Variants in AJUBA observed in about 807,000 individuals in gnomAD.
The protein encoded by AJUBA is ajuba LIM protein.
In AJUBA, 20 loss-of-function variants were observed where a neutral mutation model predicts 53.3. The ratio of observed to expected loss-of-function variants is 0.38; its 90% CI spans 0.26 to 0.55. The LOEUF (loss-of-function observed/expected upper bound fraction) is 0.55. AJUBA is among the 20% of genes least tolerant of loss of function. AJUBA has a pLI of 0.80. For missense variants in AJUBA, 580 were observed against 730.5 expected (o/e 0.79, Z 2.38); for synonymous variants, 296 against 306.2 (o/e 0.97, Z 0.35).
At chr14:22,973,684 T>C in intron 7 of AJUBA, 116 bp from the exon 8 acceptor site, 1 of 1,424,850 alleles carries the variant, frequency 7.0e-7, no homozygotes, top group Non-Finnish European at 9.5e-7. Context: ...AGGGATGGGG[T>C]GGGAAGGGAA....
chr14:22,973,607 C>T (rs765792292), intron 7 of AJUBA, 39 bp from the exon 8 acceptor site: 2 of 1,611,120 alleles, frequency 1.2e-6, no homozygotes, highest in East Asian at 4.5e-5. Context: ...AGCCTAGGCA[C>T]CTTGGACACT....
chr14:22,982,129 C>T lies in AJUBA; in HGVS notation c.138G>A (p.Lys46=), dbSNP rs2045107295. 3 of 1,604,866 alleles carry T rather than the reference C, an allele frequency of 1.9e-6. No individual in the cohort carries two copies. The highest frequency in any genetic ancestry group is 2.6e-6 in the Non-Finnish European group (3 of 1,176,354). The change falls in exon 1 of 8, where the codon AAG becomes AAA. Residue 46 remains lysine (K), a synonymous_variant. Transcript: ENST00000262713. ...CCCCAGTAGCTCCTCGGGGCCCTGA[C>T]TTCCTAGGTCCCCCCAACCCACTTA... ...GRLSGLGGPR[K]SGPRGATGGP...
chr14:22,982,089 G>A lies in AJUBA; in HGVS notation c.178C>T (p.Pro60Ser). ...CCTTGCTCCCGGGCCGGCTCCAACG[G>A]CTCATCCCCAGGTCCCCCAGTAGCT... ...RGATGGPGDE[P>S]LEPAREQGSL... Residue 60 changes from proline to serine, a missense_variant, in exon 1 of 8, where the codon CCG (proline) becomes TCG (serine). Physicochemically the swap from Pro to Ser is moderately conservative, Grantham distance 74. Transcript: ENST00000262713. The A allele has an allele frequency of 6.3e-7, 1 of 1,593,068 alleles. No individual in the cohort carries two copies. The highest frequency in any genetic ancestry group is 1.4e-5 in the African/African-American group (1 of 73,732).
rs2045069778 is a variant in AJUBA at position 22,979,684 on chromosome 14, AG to A, written c.1007-1240del. ...TTGCCATGCCAGGGGGTCCTGTCGG[AG>A]CCATTCTTTAGGAAACCTTGGACGT... On this transcript the variant is annotated intron_variant, in intron 1 of 7. Coordinates refer to ENST00000262713, the MANE Select transcript of AJUBA (RefSeq NM_032876.6). The surrounding 1 kb of genome is among the most constrained non-coding windows in gnomAD (Gnocchi z 4.0). Among the ~76,000 whole-genome samples, 1 of 152,212 alleles carries A rather than the reference AG, an allele frequency of 6.6e-6. No homozygotes were observed. Among genetic ancestry groups the A allele is most frequent in the Non-Finnish European group, 1.5e-5 (1 of 68,020 alleles).
chr14:22,977,286 G>A, intron 2 of AJUBA: 2 of 873,762 alleles, frequency 2.3e-6, no homozygotes, highest in South Asian at 5.3e-5. Context: ...TTTGTATAAG[G>A]CTGCTTCCCT....
Position 22,979,094 on chromosome 14 carries a change from G to A in AJUBA, c.1007-649C>T. The stretch of plus-strand genomic sequence containing the variant: ...GTGTTCCAGGAACCAGGGTTGAACA[G>A]GAAAGCAGGGAGAGTAGCAGAGCCC... On this transcript the variant is annotated intron_variant, in intron 1 of 7. Transcript: ENST00000262713. This position sits in a 1 kb window ranked among gnomAD's most constrained non-coding sequence, Gnocchi z 4.0. 7.8e-7 allele frequency: 1 copy of A among 1,283,114 alleles called. No homozygotes were observed. The highest frequency in any genetic ancestry group is 5.6e-5 in the East Asian group (1 of 17,952). The allele number at this position is 1,283,114 out of a possible 1,614,324, so 79.5% of individuals were successfully genotyped here.
rs1293502931 is a variant in AJUBA at position 22,979,704 on chromosome 14, T to G, written c.1007-1259A>C. On this transcript the variant is annotated intron_variant, in intron 1 of 7. Transcript: ENST00000262713. The surrounding 1 kb of genome is among the most constrained non-coding windows in gnomAD (Gnocchi z 4.0). ...GTCGGAGCCATTCTTTAGGAAACCTTGGACGTTATGGGAAAAGCAAACGAA... is the reference window on the plus strand; with the variant it reads ...GTCGGAGCCATTCTTTAGGAAACCTGGGACGTTATGGGAAAAGCAAACGAA... Among the ~76,000 whole-genome samples, 5 of 152,214 alleles carry G rather than the reference T, an allele frequency of 3.3e-5. No individual in the cohort carries two copies. Among genetic ancestry groups the G allele is most frequent in the Non-Finnish European group, 5.9e-5 (4 of 68,032 alleles).
At chr14:22,977,334 A>G (rs574735847) in intron 2 of AJUBA, 1 of 402,718 alleles carries the variant, frequency 2.5e-6, no homozygotes, top group Admixed American at 6.4e-5. Flanking sequence ...GGTAAGAGAC[A>G]ACCCAGGATC....
chr14:22,974,828 G>A lies in AJUBA; in HGVS notation c.1422+11C>T. On this transcript the variant is annotated intron_variant, in intron 6 of 7. Transcript: ENST00000262713. ...ACTGGCTGCCCTGAAGGAGAACCCA[G>A]ACATACTGACCTCAGAGGGGAGGAT... 6.2e-7 allele frequency: 1 copy of A among 1,610,510 alleles called. No homozygotes were observed. Among genetic ancestry groups the A allele is most frequent in the Non-Finnish European group, 8.5e-7 (1 of 1,178,796 alleles).
Position 22,981,502 on chromosome 14 carries a change from C to T in AJUBA, c.765G>A (p.Arg255=). ...GVGAAGPLER[R]GAQPGRHSVT... Reference sequence around the variant, plus strand: ...CAGAGTGTCGTCCGGGTTGCGCCCCCCGTCTCTCCAAGGGCCCCGCCGCTC... The same window carrying T: ...CAGAGTGTCGTCCGGGTTGCGCCCCTCGTCTCTCCAAGGGCCCCGCCGCTC... The change falls in exon 1 of 8, where the codon CGG becomes CGA. Residue 255 remains arginine, a synonymous_variant. Coordinates refer to ENST00000262713, the MANE Select transcript of AJUBA (RefSeq NM_032876.6). 6.3e-7 allele frequency: 1 copy of T among 1,591,468 alleles called. No individual in the cohort carries two copies. Among genetic ancestry groups the T allele is most frequent in the Admixed American group, 1.7e-5 (1 of 57,588 alleles).
chr14:22,982,437 C>T lies in AJUBA; in HGVS notation c.-171G>A. ...GCGCCAGGAATCCCACAGCATCCCC[C>T]AGCGGGAGGGGCTGCGTCCCCCCGC... On this transcript the variant is annotated 5_prime_UTR_variant, in exon 1 of 8. Coordinates refer to ENST00000262713, the MANE Select transcript of AJUBA (RefSeq NM_032876.6). 2 of 1,435,080 alleles carry T rather than the reference C, an allele frequency of 1.4e-6. No homozygotes were observed. The highest frequency in any genetic ancestry group is 2.9e-5 in the South Asian group (2 of 68,230). 88.9% of individuals were successfully genotyped at this position (1,435,080 alleles called of 1,614,324 possible). A position where few individuals can be genotyped will look rare whatever the true frequency, so the allele number is the denominator to read the frequency against.
chr14:22,973,077 G>T lies in AJUBA; in HGVS notation c.*366C>A. 1 of 230,110 alleles carries T rather than the reference G, an allele frequency of 4.3e-6. No individual in the cohort carries two copies. The highest frequency in any genetic ancestry group is 8.7e-6 in the Non-Finnish European group (1 of 114,862). 14.3% of individuals were successfully genotyped at this position (230,110 alleles called of 1,614,324 possible). On this transcript the variant is annotated 3_prime_UTR_variant, in exon 8 of 8. Transcript: ENST00000262713. ...GGAGGCCAAGGTGGGAGGATCATTC[G>T]AGCCCAGGAGTTCAAGACTAGCCTG... is the stretch of plus-strand genomic sequence containing the variant.
Position 22,972,491 on chromosome 14 carries a change from C to T in AJUBA, c.*952G>A, listed in dbSNP as rs1469173780. ...GACATCCCCCCAACAAGCTCCACACCCACAGAGATCTGCTCATTACCTCCC... is the reference window on the plus strand; with the variant it reads ...GACATCCCCCCAACAAGCTCCACACTCACAGAGATCTGCTCATTACCTCCC... On this transcript the variant is annotated 3_prime_UTR_variant, in exon 8 of 8. Coordinates refer to ENST00000262713, the MANE Select transcript of AJUBA (RefSeq NM_032876.6). The T allele has an allele frequency of 6.6e-6, 1 of 152,506 alleles. No homozygotes were observed. Among genetic ancestry groups the T allele is most frequent in the Admixed American group, 6.6e-5 (1 of 15,258 alleles). 9.4% of individuals were successfully genotyped at this position (152,506 alleles called of 1,614,324 possible).
Position 22,979,279 on chromosome 14 carries a change from G to A in AJUBA, c.1007-834C>T, listed in dbSNP as rs943289160. 2.3e-6 allele frequency: 1 copy of A among 429,120 alleles called. No homozygotes were observed. Among genetic ancestry groups the A allele is most frequent in the Non-Finnish European group, 3.1e-6 (1 of 321,464 alleles). The allele number at this position is 429,120 out of a possible 1,614,324, so 26.6% of individuals were successfully genotyped here. A position where few individuals can be genotyped will look rare whatever the true frequency, so the allele number is the denominator to read the frequency against. On this transcript the variant is annotated intron_variant, in intron 1 of 7. Transcript: ENST00000262713. The surrounding 1 kb of genome is among the most constrained non-coding windows in gnomAD (Gnocchi z 4.0). ...CCACTCCCCAATTCCAGGCCCATGA[G>A]TGAGGGCTAGGGCCTGTCTTTGGGG...
At position 22,981,661 on chromosome 14, in the gene AJUBA, G is replaced by A. The variant is rs1354269292; in HGVS notation, c.606C>T (p.Ser202=). 1.3e-6 allele frequency: 2 copies of A among 1,512,612 alleles called. No homozygotes were observed. Among genetic ancestry groups the A allele is most frequent in the Non-Finnish European group, 1.8e-6 (2 of 1,132,164 alleles). The allele number at this position is 1,512,612 out of a possible 1,614,324, so 93.7% of individuals were successfully genotyped here. A position where few individuals can be genotyped will look rare whatever the true frequency, so the allele number is the denominator to read the frequency against. The stretch of plus-strand genomic sequence containing the variant: ...GGGCGGCGTGGAGCTCCGGGTAGGC[G>A]GACGGGACCCCTCCGGGAGAATAGC... ...PAGYSPGGVP[S]AYPELHAALD... is the part of the protein sequence containing the mutation. The change falls in exon 1 of 8, where the codon TCC becomes TCT. Residue 202 remains serine, a synonymous_variant. Transcript: ENST00000262713.
Position 22,978,943 on chromosome 14 carries a change from A to G in AJUBA, c.1007-498T>C, listed in dbSNP as rs566042229. The G allele has an allele frequency of 2.7e-4, 342 of 1,289,164 alleles. 5 individuals are homozygous for G. In the South Asian group the frequency reaches 3.6e-3, roughly 13 times the overall value. 79.9% of individuals were successfully genotyped at this position (1,289,164 alleles called of 1,614,324 possible). On this transcript the variant is annotated intron_variant, in intron 1 of 7. Coordinates refer to ENST00000262713, the MANE Select transcript of AJUBA (RefSeq NM_032876.6). ...AGTCAAACGAGCTGTTCAGTTATAG[A>G]ATGATTTCTCTCCACTGCAGACTTC...
chr14:22,973,174 G>C lies in AJUBA; in HGVS notation c.*269C>G. The C allele has an allele frequency of 2.2e-6, 1 of 463,298 alleles. No individual in the cohort carries two copies. Among genetic ancestry groups the C allele is most frequent in the Non-Finnish European group, 3.9e-6 (1 of 256,270 alleles). The allele number at this position is 463,298 out of a possible 1,614,324, so 28.7% of individuals were successfully genotyped here. A position where few individuals can be genotyped will look rare whatever the true frequency, so the allele number is the denominator to read the frequency against. ...CTGAAGATACAGAATCAGATGTTCA[G>C]AAAGTCCTGGAACCCTCCTGTGTGT... On this transcript the variant is annotated 3_prime_UTR_variant, in exon 8 of 8. Coordinates refer to ENST00000262713, the MANE Select transcript of AJUBA (RefSeq NM_032876.6).
Position 22,981,595 on chromosome 14 carries a change from G to T in AJUBA, c.672C>A (p.Cys224Ter). 2 of 1,546,154 alleles carry T rather than the reference G, an allele frequency of 1.3e-6. No homozygotes were observed. Reference sequence around the variant, plus strand: ...GGGGATACGAGTGGCGGCTTTCCTGGCAGCCGAACCCCGCGGGCCGCTGAG... The same window carrying T: ...GGGGATACGAGTGGCGGCTTTCCTGTCAGCCGAACCCCGCGGGCCGCTGAG... ...LYAQRPAGFG[C>*]QESRHSYPPA... Residue 224 changes from cysteine to a stop codon, truncating the protein, a stop_gained, in exon 1 of 8, where the codon TGC becomes TGA. Coordinates refer to ENST00000262713, the MANE Select transcript of AJUBA (RefSeq NM_032876.6). LOFTEE classifies it high-confidence loss of function.
rs1398824844 is a variant in AJUBA at position 22,973,542 on chromosome 14, C to T, written c.1518G>A (p.Glu506=). The T allele has an allele frequency of 6.2e-7, 1 of 1,614,178 alleles. No homozygotes were observed. The highest frequency in any genetic ancestry group is 8.5e-7 in the Non-Finnish European group (1 of 1,180,010). ...CEDCRMQLSD[E]EGCCCFPLDG... ...CCAGAGGGAAACAGCAGCAGCCTTC[C>T]TCATCACTCAGCTGCATCCGGCAGT... The change falls in exon 8 of 8, where the codon GAG becomes GAA. Residue 506 remains glutamate, a synonymous_variant. Transcript: ENST00000262713.
Sources: gnomAD v4.1 joint callset for allele counts (sites outside exome capture counted in the v4.1 genomes callset) on GRCh38, gnomAD v4.1.1 for gene constraint, Gnocchi (gnomAD v3.1) non-coding constraint, MANE v1.5 for transcripts, NCBI Gene and HGNC (gene_info 2026-07-23, HGNC 2026-07-21) for gene names.